PSMA2: variants seen among roughly 807,000 people sequenced by gnomAD.
PSMA2 encodes proteasome subunit alpha type-2.
A neutral mutation model predicts 35.9 loss-of-function variants in PSMA2; 2 were observed. That is an observed-to-expected ratio of 0.06 (90% CI 0.02 to 0.18). The LOEUF (loss-of-function observed/expected upper bound fraction) is 0.18, where lower values mean the gene tolerates loss of function less well. Ranked by LOEUF, PSMA2 falls within the 10% of genes least tolerant of loss-of-function variation. PSMA2 has a pLI of 1.00. For missense variants in PSMA2, 126 were observed against 278.8 expected, an observed-to-expected ratio of 0.45 and a Z score of 3.90; for synonymous variants, 97 against 98.2, an observed-to-expected ratio of 0.99 and a Z score of 0.07.
At chr7:42,923,433 T>G (rs1379049141) in intron 4 of PSMA2, 27 bp from the exon 5 acceptor site, 4 of 1,570,934 alleles carry the variant, frequency 2.5e-6, no homozygotes, top group Non-Finnish European at 3.5e-6. Context: ...GAAAATTACT[T>G]GGCATTTTCA....
intron 1 of PSMA2, among the ~76,000 whole-genome samples, chr7:42,929,675 A>G (rs1786266721): frequency 6.6e-6 from 1 of 152,198 alleles, no homozygotes; most frequent in South Asian, 2.1e-4. Flanking sequence ...TGTCACCTAC[A>G]CTTAGATTTT....
At chr7:42,926,711 A>G in intron 2 of PSMA2, 43 bp from the exon 3 acceptor site, 1 of 1,554,752 alleles carries the variant, frequency 6.4e-7, no homozygotes, top group Non-Finnish European at 8.6e-7. Flanking sequence ...ATCATTTTTA[A>G]GACTGTTTTA....
chr7:42,924,260 C>T (rs960830807), intron 4 of PSMA2, among the ~76,000 whole-genome samples: 8 of 142,326 alleles, frequency 5.6e-5, no homozygotes, highest in African/African-American at 1.6e-4. Flanking sequence ...AGGAGGCTGA[C>T]GCATAATTGC....
At chr7:42,931,030 G>A (rs558069976) in intron 1 of PSMA2, 1 of 312,140 alleles carries the variant, frequency 3.2e-6, no homozygotes, top group Non-Finnish European at 6.4e-6. Context: ...ACAACGTTAT[G>A]TAATGGAAAG....
At chr7:42,930,147 T>C (rs774086) in intron 1 of PSMA2, among the ~76,000 whole-genome samples, 149,868 of 152,192 alleles carry the variant, frequency 0.98, 73,841 homozygotes, top group East Asian at 1. Context: ...CTTCTGATTA[T>C]GAGAGGCTAG....
intron 2 of PSMA2, 109 bp downstream of exon 2, chr7:42,927,274 T>C (rs1426085819): frequency 1.0e-6 from 1 of 975,304 alleles, no homozygotes; most frequent in Admixed American, 2.7e-5. Flanking sequence ...AACAAAAAAT[T>C]GTTAAAAATT....
chr7:42,924,830 G>C, intron 3 of PSMA2, 33 bp from the exon 4 acceptor site: 1 of 1,585,558 alleles, frequency 6.3e-7, no homozygotes, highest in Non-Finnish European at 8.6e-7. Flanking sequence ...TAATTACACA[G>C]AACATGCTCT....
At chr7:42,918,234 T>G (rs1232402573) in intron 6 of PSMA2, 2 of 154,664 alleles carry the variant, frequency 1.3e-5, no homozygotes, top group Admixed American at 1.3e-4. Context: ...TGGGTTTCAC[T>G]GTGTCAGCCA....
intron 6 of PSMA2, chr7:42,919,835 C>T (rs1786098208): frequency 2.7e-6 from 2 of 738,292 alleles, no homozygotes; most frequent in Non-Finnish European, 5.1e-6. Flanking sequence ...ACAAAGGACA[C>T]TCTGGTCCTA....
At chr7:42,930,227 A>G (rs748407525) in intron 1 of PSMA2, among the ~76,000 whole-genome samples, 148 of 1,014 alleles carry the variant, frequency 0.15, 1 homozygote, top group Middle Eastern at 0.5. Context: ...ACACACACGC[A>G]CACACACACA....
intron 2 of PSMA2, 117 bp downstream of exon 2, chr7:42,927,266 C>T: frequency 1.1e-6 from 1 of 936,088 alleles, no homozygotes; most frequent in Non-Finnish European, 1.6e-6. Context: ...TGTAAATTAA[C>T]AAAAAATTGT....
At chr7:42,931,756 A>T (rs1246965097) in intron 1 of PSMA2, among the ~76,000 whole-genome samples, 1 of 152,000 alleles carries the variant, frequency 6.6e-6, no homozygotes, top group Non-Finnish European at 1.5e-5. Context: ...CATCAGGTCT[A>T]CTTGAGCCAG....
At chr7:42,925,942 C>T (rs1254730636) in intron 3 of PSMA2, among the ~76,000 whole-genome samples, 1 of 152,212 alleles carries the variant, frequency 6.6e-6, no homozygotes. Context: ...AAATGACAGA[C>T]ACAGAAAGCT....
intron 1 of PSMA2, among the ~76,000 whole-genome samples, chr7:42,930,071 A>G (rs1421435627): frequency 6.6e-6 from 1 of 152,116 alleles, no homozygotes; most frequent in African/African-American, 2.4e-5. Flanking sequence ...CAATTCCTCA[A>G]CCAAATGTAG....
At chr7:42,927,528 A>C (rs1226777764) in intron 1 of PSMA2, 69 bp from the exon 2 acceptor site, 2 of 1,459,934 alleles carry the variant, frequency 1.4e-6, no homozygotes, top group Non-Finnish European at 1.9e-6. Flanking sequence ...CATCTCTGAG[A>C]TAGTACAGAC....
intron 4 of PSMA2, among the ~76,000 whole-genome samples, chr7:42,924,408 G>T (rs1050948080): frequency 1.4e-5 from 2 of 147,858 alleles, no homozygotes; most frequent in African/African-American, 5.0e-5. Context: ...ATGATTGTCT[G>T]TCCATAAAGT....
intron 6 of PSMA2, chr7:42,920,979 A>G (rs1485919135): frequency 1.3e-5 from 2 of 152,182 alleles, no homozygotes; most frequent in Non-Finnish European, 2.9e-5. Flanking sequence ...AGAGTAGCAC[A>G]GTGGTTACCA....
chr7:42,930,936 T>G (rs1298153466), intron 1 of PSMA2, among the ~76,000 whole-genome samples: 1 of 152,166 alleles, frequency 6.6e-6, no homozygotes, highest in Non-Finnish European at 1.5e-5. Flanking sequence ...TAAATTAATC[T>G]CGTTCAAAGG....
chr7:42,931,977 CTT>C (rs2128675424), intron 1 of PSMA2, 139 bp downstream of exon 1: 1 of 1,152,774 alleles, frequency 8.7e-7, no homozygotes, highest in African/African-American at 1.5e-5. Context: ...TGGCAAATGA[CTT>C]TGCAAAGCCG....
Sources: gnomAD v4.1 joint callset for allele counts (sites outside exome capture counted in the v4.1 genomes callset) on GRCh38, gnomAD v4.1.1 for gene constraint, MANE v1.5 for transcripts, NCBI Gene and HGNC (gene_info 2026-07-23, HGNC 2026-07-21) for gene names.